CA10: variants seen among roughly 807,000 people sequenced by gnomAD.
CA10 encodes carbonic anhydrase 10 (inactive), also known as carbonic anhydrase-related protein 10.
A neutral mutation model predicts 44.2 loss-of-function variants in CA10; 14 were observed. That is an observed-to-expected ratio of 0.32 (90% CI 0.21 to 0.50). The LOEUF (loss-of-function observed/expected upper bound fraction) is 0.50, where lower values mean the gene tolerates loss of function less well. Among genes scored for constraint, CA10 ranks in the 20% least tolerant of loss-of-function variants. CA10 has a pLI of 0.99. For missense variants in CA10, 350 were observed against 409.7 expected (o/e 0.85, Z 1.26); for synonymous variants, 159 against 141.6 (o/e 1.12, Z -0.87).
chr17:51,658,314 T>C (rs1016308717), intron 4 of CA10, among the ~76,000 whole-genome samples: 1 of 152,204 alleles, frequency 6.6e-6, no homozygotes, highest in Non-Finnish European at 1.5e-5. Flanking sequence ...GAGAAGGTCT[T>C]TGTCCTCCTA....
chr17:51,963,786 T>C (rs73348640), intron 2 of CA10, among the ~76,000 whole-genome samples: 6,574 of 152,174 alleles, frequency 0.043, 495 homozygotes, highest in African/African-American at 0.15. Context: ...TGGAGACAAA[T>C]TAATGACACC....
At chr17:51,653,776 A>G (rs1274948175) in intron 4 of CA10, 40 bp from the exon 5 acceptor site, 5 of 1,217,184 alleles carry the variant, frequency 4.1e-6, no homozygotes, top group Non-Finnish European at 6.1e-6. Context: ...CAATAATCCA[A>G]CATTAAAAGG....
At chr17:52,030,268 T>C (rs928340391) in intron 2 of CA10, among the ~76,000 whole-genome samples, 4 of 152,224 alleles carry the variant, frequency 2.6e-5, no homozygotes, top group African/African-American at 7.2e-5. Context: ...CTTATCAGCC[T>C]TTTAAAGATC....
rs575973275 is a variant in CA10 at position 51,798,783 on chromosome 17, A to C, written c.280-50965T>G. On this transcript the variant is annotated intron_variant, in intron 3 of 8. Coordinates refer to ENST00000451037, the MANE Select transcript of CA10 (RefSeq NM_020178.5). ...TGGAGGGATAATAAAACATTTTATC[A>C]GGGCAGGACTTGAGAGGAATATAAA... 3.3e-5 allele frequency among the ~76,000 whole-genome samples: 5 copies of C among 152,390 alleles called. No individual in the cohort carries two copies. In the East Asian group the frequency reaches 7.7e-4, roughly 23 times the overall value.
At chr17:51,691,707 T>G (rs1162823281) in intron 4 of CA10, among the ~76,000 whole-genome samples, 4 of 152,240 alleles carry the variant, frequency 2.6e-5, no homozygotes, top group Admixed American at 6.5e-5. Flanking sequence ...AGGTCTTACA[T>G]TTAAGTCTTT....
At chr17:52,013,620 A>G (rs369706739) in intron 2 of CA10, among the ~76,000 whole-genome samples, 54 of 152,126 alleles carry the variant, frequency 3.5e-4, no homozygotes, top group African/African-American at 1.2e-3. Flanking sequence ...ACCATCCAAG[A>G]AACAACTTGT....
In CA10 at chr17:51,811,421, T is replaced by A. The variant is rs544746481; in HGVS notation, c.280-63603A>T. On this transcript the variant is annotated intron_variant, in intron 3 of 8. Transcript: ENST00000451037. Reference sequence around the variant, plus strand: ...CATCATTTACATTAGGTATTTCTCCTAATGCTATCCCTACTCCAGCCCCCT... The same window carrying A: ...CATCATTTACATTAGGTATTTCTCCAAATGCTATCCCTACTCCAGCCCCCT... 7.9e-5 allele frequency among the ~76,000 whole-genome samples: 12 copies of A among 152,326 alleles called. 1 individual carries two copies. In the South Asian group the frequency reaches 2.5e-3, roughly 32 times the overall value.
chr17:51,643,639 A>G (rs1309794483), intron 6 of CA10, among the ~76,000 whole-genome samples: 1 of 152,212 alleles, frequency 6.6e-6, no homozygotes, highest in Non-Finnish European at 1.5e-5. Context: ...CATGGATTCA[A>G]GCACAGGAGC....
chr17:51,877,061 C>A (rs2143874730), intron 3 of CA10, among the ~76,000 whole-genome samples: 1 of 152,320 alleles, frequency 6.6e-6, no homozygotes, highest in South Asian at 2.1e-4. Context: ...TTGCATGTGA[C>A]TATATGAATT....
chr17:51,930,388 C>T, intron 3 of CA10, among the ~76,000 whole-genome samples: 1 of 152,006 alleles, frequency 6.6e-6, no homozygotes, highest in East Asian at 1.9e-4. Flanking sequence ...GCACTTGTGC[C>T]CTTCCACAAA....
intron 3 of CA10, among the ~76,000 whole-genome samples, chr17:51,869,078 T>C (rs1979687968): frequency 6.6e-6 from 1 of 152,070 alleles, no homozygotes; most frequent in South Asian, 2.1e-4. Context: ...ATTTTGATGC[T>C]CATAATAATT....
At chr17:52,087,339 G>T (rs928692997) in intron 1 of CA10, among the ~76,000 whole-genome samples, 2 of 152,096 alleles carry the variant, frequency 1.3e-5, no homozygotes, top group African/African-American at 4.8e-5. Context: ...ACAGAGTTTT[G>T]CCATGTTGGC....
intron 1 of CA10, among the ~76,000 whole-genome samples, chr17:52,110,983 A>G (rs1988778016): frequency 6.6e-6 from 1 of 152,240 alleles, no homozygotes; most frequent in Non-Finnish European, 1.5e-5. Flanking sequence ...CTATGTCCAA[A>G]TATGAGCTTT....
At chr17:51,945,265 G>A (rs1407250417) in intron 2 of CA10, among the ~76,000 whole-genome samples, 1 of 152,062 alleles carries the variant, frequency 6.6e-6, no homozygotes, top group Non-Finnish European at 1.5e-5. Context: ...TTTTAGAGAC[G>A]GCATTTTATG....
intron 1 of CA10, among the ~76,000 whole-genome samples, chr17:52,103,680 G>T (rs1035061025): frequency 6.6e-6 from 1 of 152,214 alleles, no homozygotes; most frequent in Non-Finnish European, 1.5e-5. Context: ...TTTGTCTTTA[G>T]TCACAAAGCT....
chr17:52,155,992 C>T (rs759595444), intron 1 of CA10, among the ~76,000 whole-genome samples: 4 of 152,168 alleles, frequency 2.6e-5, no homozygotes, highest in East Asian at 1.9e-4. Context: ...CTGTTCCCCT[C>T]GGTGATTGCC....
chr17:51,795,782 C>G (rs1029933410), intron 3 of CA10, among the ~76,000 whole-genome samples: 1 of 152,224 alleles, frequency 6.6e-6, no homozygotes. Flanking sequence ...TTCATCCTCA[C>G]TCGTGGTGGT....
chr17:52,117,638 T>G (rs1241191297), intron 1 of CA10, among the ~76,000 whole-genome samples: 2 of 152,226 alleles, frequency 1.3e-5, no homozygotes, highest in Non-Finnish European at 2.9e-5. Flanking sequence ...CAAACTTTAT[T>G]GATGCCTAGC....
At chr17:51,964,833 A>T (rs1984022470) in intron 2 of CA10, among the ~76,000 whole-genome samples, 1 of 151,952 alleles carries the variant, frequency 6.6e-6, no homozygotes, top group African/African-American at 2.4e-5. Context: ...CTATCATTGT[A>T]CCTAGAGAAA....
Sources: allele counts gnomAD v4.1 joint callset (sites outside exome capture counted in the v4.1 genomes callset), GRCh38; gene constraint gnomAD v4.1.1; transcripts MANE v1.5; gene names NCBI Gene and HGNC (gene_info 2026-07-23, HGNC 2026-07-21).